The following C19orf12 variants were observed in gnomAD, a reference collection of about 807,000 sequenced individuals.
C19orf12 encodes the protein chromosome 19 open reading frame 12.
Under a neutral mutation model 3.8 loss-of-function variants are expected in C19orf12, and 2 were observed. The ratio of observed to expected loss-of-function variants is 0.53; its 90% CI spans 0.22 to 1.66. C19orf12 has a LOEUF of 1.66. C19orf12 is among the 40% of genes most tolerant of loss of function. The pLI is 0.20. For missense variants in C19orf12, 156 were observed against 188.8 expected (o/e 0.83, Z 1.02); for synonymous variants, 89 against 84.6 (o/e 1.05, Z -0.28).
rs562784883 is a variant in C19orf12, at chr19:29,710,028, C to T, written c.-10-1605G>A. ...CTGGGGCTAAAGGCATGCAACACTA[C>T]GCTCAGCTAATTTTTTGTTTTCATA... is the stretch of plus-strand genomic sequence containing the variant. On this transcript the variant is annotated intron_variant, in intron 1 of 2. Coordinates refer to ENST00000323670, the MANE Select transcript of C19orf12 (RefSeq NM_031448.6). 1.9e-3 allele frequency among the ~76,000 whole-genome samples: 293 copies of T among 152,182 alleles called. 2 individuals carry two copies. Among genetic ancestry groups the T allele is most frequent in the African/African-American group, 6.7e-3 (277 of 41,528 alleles).
At chr19:29,713,832 A>G (rs1972808741) in intron 1 of C19orf12, among the ~76,000 whole-genome samples, 2 of 151,886 alleles carry the variant, frequency 1.3e-5, no homozygotes, top group Non-Finnish European at 2.9e-5. Flanking sequence ...CCACCCCCAT[A>G]CAGCAGGGCC....
In C19orf12 at chr19:29,700,903, C is replaced by T; in HGVS notation, c.*1809G>A. The stretch of plus-strand genomic sequence containing the variant: ...GGAGAGCCCCAAGTCCCTGCCCTGC[C>T]CCAGGACCTGGGGACCAAGGAATAA... On this transcript the variant is annotated 3_prime_UTR_variant, in exon 3 of 3. Coordinates refer to ENST00000323670, the MANE Select transcript of C19orf12 (RefSeq NM_031448.6). 1 of 454,084 alleles carries T rather than the reference C, an allele frequency of 2.2e-6. No individual in the cohort carries two copies. The highest frequency in any genetic ancestry group is 4.4e-6 in the Non-Finnish European group (1 of 226,776). The allele number at this position is 454,084 out of a possible 1,614,324, so 28.1% of individuals were successfully genotyped here.
rs1002007482 is a variant in C19orf12, at chr19:29,699,938, C to A, written c.*2774G>T. The A allele has an allele frequency of 1.5e-5, 7 of 453,962 alleles. No individual in the cohort carries two copies. The highest frequency in any genetic ancestry group is 2.6e-5 in the Non-Finnish European group (6 of 226,796). The allele number at this position is 453,962 out of a possible 1,614,324, so 28.1% of individuals were successfully genotyped here. On this transcript the variant is annotated 3_prime_UTR_variant, in exon 3 of 3. Transcript: ENST00000323670. ...GAAATCAAGAAAAGTGCTTTCGGCT[C>A]CTGGGGGAGATAAGACTCCAGGTTC...
intron 1 of C19orf12, among the ~76,000 whole-genome samples, chr19:29,713,257 CCT>C (rs141377073): frequency 0.042 from 6,261 of 149,232 alleles, 228 homozygotes; most frequent in South Asian, 0.14. Flanking sequence ...TGTGGCTCCC[CCT>C]CCCCCACTGT....
intron 1 of C19orf12, among the ~76,000 whole-genome samples, chr19:29,710,255 A>G (rs1053290167): frequency 1.2e-4 from 18 of 152,178 alleles, no homozygotes; most frequent in Non-Finnish European, 2.5e-4. Flanking sequence ...TATAATTTTG[A>G]GCCCAGAGAA....
intron 1 of C19orf12, among the ~76,000 whole-genome samples, chr19:29,710,903 G>C (rs1972631175): frequency 6.6e-6 from 1 of 152,188 alleles, no homozygotes; most frequent in African/African-American, 2.4e-5. Context: ...AACAGTGTCA[G>C]GACTGAACAG....
At chr19:29,715,311 C>A, upstream of C19orf12, 1 of 392,946 alleles carries the variant, frequency 2.5e-6, no homozygotes, top group South Asian at 1.8e-5. Context: ...TTCCGGGAAG[C>A]CACGCGCCGG....
chr19:29,714,162 ACAGGTG>A (rs1972836920), intron 1 of C19orf12, among the ~76,000 whole-genome samples: 1 of 152,090 alleles, frequency 6.6e-6, no homozygotes, highest in Non-Finnish European at 1.5e-5. Context: ...AGCTGGAACT[ACAGGTG>A]CTATTCCAAG....
At position 29,699,391 on chromosome 19, in the gene C19orf12, G is replaced by A; in HGVS notation, c.*3321C>T. ...AAAGCTACTCGGGAGGCTGAGGCAG[G>A]AGAATGGCTTGAACCCAGGAGGCAG... On this transcript the variant is annotated 3_prime_UTR_variant, in exon 3 of 3. Coordinates refer to ENST00000323670, the MANE Select transcript of C19orf12 (RefSeq NM_031448.6). The A allele has an allele frequency of 2.6e-6, 1 of 381,616 alleles. No homozygotes were observed. Among genetic ancestry groups the A allele is most frequent in the South Asian group, 2.0e-5 (1 of 50,094 alleles). The allele number at this position is 381,616 out of a possible 1,614,324, so 23.6% of individuals were successfully genotyped here.
chr19:29,705,166 G>T, intron 2 of C19orf12: 1 of 218,142 alleles, frequency 4.6e-6, no homozygotes, highest in Non-Finnish European at 9.7e-6. Flanking sequence ...TGCAAGACAA[G>T]GGAGAGGGGC....
In C19orf12 at chr19:29,701,848, G is replaced by C; in HGVS notation, c.*864C>G. ...GGTTTGTACATTTGTTAGACATAAT[G>C]CTATTGCACATTTAGTGGACTGCAA... is the stretch of plus-strand genomic sequence containing the variant. On this transcript the variant is annotated 3_prime_UTR_variant, in exon 3 of 3. Transcript: ENST00000323670. The C allele has an allele frequency of 2.2e-6, 1 of 454,058 alleles. No homozygotes were observed. The highest frequency in any genetic ancestry group is 1.6e-5 in the South Asian group (1 of 64,458). 28.1% of individuals were successfully genotyped at this position (454,058 alleles called of 1,614,324 possible). A position where few individuals can be genotyped will look rare whatever the true frequency, so the allele number is the denominator to read the frequency against.
Position 29,702,225 on chromosome 19 carries a change from A to G in C19orf12, c.*487T>C, listed in dbSNP as rs1271970710. The G allele has an allele frequency of 6.6e-6, 3 of 454,538 alleles. No homozygotes were observed. The Admixed American group carries it at 7.0e-5, about 11-fold the overall frequency. 28.2% of individuals were successfully genotyped at this position (454,538 alleles called of 1,614,324 possible). Reference sequence around the variant, plus strand: ...GGGACGGTTGCACTAGGAGGTAAACATGATTCCAGCATGGGCTGCTCCAAG... The same window carrying G: ...GGGACGGTTGCACTAGGAGGTAAACGTGATTCCAGCATGGGCTGCTCCAAG... On this transcript the variant is annotated 3_prime_UTR_variant, in exon 3 of 3. Coordinates refer to ENST00000323670, the MANE Select transcript of C19orf12 (RefSeq NM_031448.6).
chr19:29,701,375 TA>T lies in C19orf12; in HGVS notation c.*1336del, dbSNP rs1972073544. On this transcript the variant is annotated 3_prime_UTR_variant, in exon 3 of 3. Coordinates refer to ENST00000323670, the MANE Select transcript of C19orf12 (RefSeq NM_031448.6). ...CGTAACCTACGCACACCTTCCTGTA[TA>T]ATTTAAATCATCTCTAGATTTCTTA... The T allele has an allele frequency of 2.2e-6, 1 of 454,036 alleles. No individual in the cohort carries two copies. The highest frequency in any genetic ancestry group is 2.0e-5 in the African/African-American group (1 of 50,024). The allele number at this position is 454,036 out of a possible 1,614,324, so 28.1% of individuals were successfully genotyped here. A position where few individuals can be genotyped will look rare whatever the true frequency, so the allele number is the denominator to read the frequency against.
chr19:29,714,841 G>GCCTA, intron 1 of C19orf12: 1 of 305,998 alleles, frequency 3.3e-6, no homozygotes, highest in Non-Finnish European at 6.8e-6. Flanking sequence ...CCACACCCAT[G>GCCTA]CCTACGCCAC....
In C19orf12 at chr19:29,699,518, G is replaced by T; in HGVS notation, c.*3194C>A. On this transcript the variant is annotated 3_prime_UTR_variant, in exon 3 of 3. Transcript: ENST00000323670. The stretch of plus-strand genomic sequence containing the variant: ...AAAAGAAAAAAAGAAAAAAATATAT[G>T]TGTACCTACATAGCATTAAAACAAT... 1 of 444,966 alleles carries T rather than the reference G, an allele frequency of 2.2e-6. No homozygotes were observed. Among genetic ancestry groups the T allele is most frequent in the South Asian group, 1.6e-5 (1 of 61,244 alleles). 27.6% of individuals were successfully genotyped at this position (444,966 alleles called of 1,614,324 possible). A position where few individuals can be genotyped will look rare whatever the true frequency, so the allele number is the denominator to read the frequency against.
chr19:29,699,316 A>T lies in C19orf12; in HGVS notation c.*3396T>A, dbSNP rs576860050. On this transcript the variant is annotated 3_prime_UTR_variant, in exon 3 of 3. Coordinates refer to ENST00000323670, the MANE Select transcript of C19orf12 (RefSeq NM_031448.6). Reference sequence around the variant, plus strand: ...CCCCGTCTCTACTAAAAATAAAAAAAAAATAAAAAAATAAAAATTAGCCGG... The same window carrying T: ...CCCCGTCTCTACTAAAAATAAAAAATAAATAAAAAAATAAAAATTAGCCGG... 4.6e-3 allele frequency: 1,658 copies of T among 364,216 alleles called. 27 individuals are homozygous for T. The highest frequency in any genetic ancestry group is 0.034 in the African/African-American group (1,560 of 46,436). 22.6% of individuals were successfully genotyped at this position (364,216 alleles called of 1,614,324 possible).
Position 29,708,282 on chromosome 19 carries a change from CA to C in C19orf12, c.131del (p.Leu44TrpfsTer18). 1 of 1,613,394 alleles carries C rather than the reference CA, an allele frequency of 6.2e-7. No individual in the cohort carries two copies. Among genetic ancestry groups the C allele is most frequent in the Non-Finnish European group, 8.5e-7 (1 of 1,180,030 alleles). ...VTGAMAFVGG[L>X]VGGPPGLAVG... Reference sequence around the variant, plus strand: ...CGGCGAGTCCCGGTGGGCCGCCCACCAAACCCCCGACGAAGGCCATGGCCCC... The same window carrying C: ...CGGCGAGTCCCGGTGGGCCGCCCACCAACCCCCGACGAAGGCCATGGCCCC... On this transcript the variant is annotated frameshift_variant, in exon 2 of 3. Transcript: ENST00000323670. LOFTEE classifies it high-confidence loss of function.
chr19:29,708,504 T>C, intron 1 of C19orf12, 81 bp from the exon 2 acceptor site: 4 of 1,559,166 alleles, frequency 2.6e-6, no homozygotes, highest in South Asian at 2.2e-5. Context: ...TTCCTAGAGT[T>C]TTAAGGAAGG....
intron 1 of C19orf12, among the ~76,000 whole-genome samples, chr19:29,712,376 A>G (rs1972726808): frequency 6.6e-6 from 1 of 152,076 alleles, no homozygotes; most frequent in Non-Finnish European, 1.5e-5. Flanking sequence ...ACTGCACTCC[A>G]GCCTGGCAGC....
Sources: gnomAD v4.1 joint callset for allele counts (sites outside exome capture counted in the v4.1 genomes callset) on GRCh38, gnomAD v4.1.1 for gene constraint, MANE v1.5 for transcripts, NCBI Gene and HGNC (gene_info 2026-07-23, HGNC 2026-07-21) for gene names.